Variants in PLCB1 observed in about 807,000 individuals in gnomAD.
The protein encoded by PLCB1 is phospholipase C beta 1.
Under a neutral mutation model 161.8 loss-of-function variants are expected in PLCB1, and 46 were observed. The observed-to-expected ratio is 0.28, with a 90% CI of 0.22 to 0.36. The LOEUF (loss-of-function observed/expected upper bound fraction) is 0.36, where lower values mean the gene tolerates loss of function less well. PLCB1 is among the 10% of genes least tolerant of loss of function. The pLI is 1.00. For synonymous variants in PLCB1, 517 were observed against 503.7 expected (o/e 1.03, Z -0.35); for missense variants, 1,016 against 1,472.5 (o/e 0.69, Z 5.07).
At chr20:8,801,523 G>A (rs1464903384) in intron 31 of PLCB1, among the ~76,000 whole-genome samples, 1 of 152,174 alleles carries the variant, frequency 6.6e-6, no homozygotes, top group Non-Finnish European at 1.5e-5. Flanking sequence ...ACGCTCTTGA[G>A]TTCCAGACAT....
intron 3 of PLCB1, among the ~76,000 whole-genome samples, chr20:8,476,666 A>G (rs1468820614): frequency 6.6e-6 from 1 of 152,170 alleles, no homozygotes; most frequent in Non-Finnish European, 1.5e-5. Flanking sequence ...ATAAATTTTG[A>G]CTCAGTGAGT....
At chr20:8,555,071 C>T (rs1366273425) in intron 3 of PLCB1, among the ~76,000 whole-genome samples, 2 of 151,966 alleles carry the variant, frequency 1.3e-5, no homozygotes, top group African/African-American at 4.8e-5. Flanking sequence ...TTTTTCTTGA[C>T]TTGGCATTTG....
chr20:8,509,669 A>T (rs1341564178), intron 3 of PLCB1, among the ~76,000 whole-genome samples: 1 of 152,126 alleles, frequency 6.6e-6, no homozygotes, highest in Non-Finnish European at 1.5e-5. Flanking sequence ...GATTAGATAG[A>T]TAGGTAGATA....
chr20:8,861,907 G>A (rs1987270563), intron 31 of PLCB1, among the ~76,000 whole-genome samples: 1 of 152,062 alleles, frequency 6.6e-6, no homozygotes, highest in South Asian at 2.1e-4. Flanking sequence ...TTGATTTATT[G>A]GAACTTGATT....
intron 2 of PLCB1, among the ~76,000 whole-genome samples, chr20:8,272,501 G>T (rs866215356): frequency 2.0e-5 from 3 of 152,082 alleles, no homozygotes; most frequent in South Asian, 4.1e-4. Context: ...TGTTTCACTC[G>T]TTCAGCATCA....
At chr20:8,158,931 G>C (rs2051592247) in intron 2 of PLCB1, among the ~76,000 whole-genome samples, 1 of 152,148 alleles carries the variant, frequency 6.6e-6, no homozygotes, top group Non-Finnish European at 1.5e-5. Flanking sequence ...CTTCCTGGCT[G>C]CTTTCATGGG....
Position 8,708,705 on chromosome 20 carries a change from G to A in PLCB1, c.1203G>A (p.Lys401=). ...AAGCAATTGCGGAGTGTGCATTTAAGACTTCACCTTTTCCAATTCTCCTTT... is the reference window on the plus strand; with the variant it reads ...AAGCAATTGCGGAGTGTGCATTTAAAACTTCACCTTTTCCAATTCTCCTTT... ...VIEAIAECAF[K]TSPFPILLSF... The change falls in exon 12 of 32, where the codon AAG becomes AAA. Residue 401 remains lysine, a synonymous_variant. Coordinates refer to ENST00000338037, the MANE Select transcript of PLCB1 (RefSeq NM_015192.4). 6.2e-7 allele frequency: 1 copy of A among 1,613,384 alleles called. No homozygotes were observed. Among genetic ancestry groups the A allele is most frequent in the South Asian group, 1.1e-5 (1 of 91,052 alleles).
chr20:8,750,623 A>G (rs764233644), intron 23 of PLCB1, among the ~76,000 whole-genome samples: 2 of 152,324 alleles, frequency 1.3e-5, no homozygotes, highest in African/African-American at 2.4e-5. Context: ...TGCATACAGC[A>G]GGACAAAGTT....
rs181153657 is a variant in PLCB1 at position 8,522,371 on chromosome 20, C to G, written c.247-105923C>G. Among the ~76,000 whole-genome samples, 277 of 152,266 alleles carry G rather than the reference C, an allele frequency of 1.8e-3. 4 individuals carry two copies. Among genetic ancestry groups the G allele is most frequent in the Non-Finnish European group, 3.5e-4 (24 of 68,030 alleles). Reference sequence around the variant, plus strand: ...TTTAATACACCCATTTTATCTATGACATCATCCTCATTCTGGCCTGTGGTT... The same window carrying G: ...TTTAATACACCCATTTTATCTATGAGATCATCCTCATTCTGGCCTGTGGTT... On this transcript the variant is annotated intron_variant, in intron 3 of 31. Transcript: ENST00000338037.
chr20:8,396,257 T>A (rs1448042851), intron 3 of PLCB1, among the ~76,000 whole-genome samples: 1 of 152,034 alleles, frequency 6.6e-6, no homozygotes, highest in African/African-American at 2.4e-5. Flanking sequence ...TTACCTCAAT[T>A]AATAAGGTGT....
At chr20:8,549,658 A>G (rs1312738804) in intron 3 of PLCB1, among the ~76,000 whole-genome samples, 2 of 152,164 alleles carry the variant, frequency 1.3e-5, no homozygotes, top group African/African-American at 4.8e-5. Context: ...GCAGTGGTGC[A>G]ATCTCGGCTC....
At chr20:8,584,662 A>G (rs1986934745) in intron 3 of PLCB1, among the ~76,000 whole-genome samples, 1 of 151,698 alleles carries the variant, frequency 6.6e-6, no homozygotes, top group Non-Finnish European at 1.5e-5. Context: ...GGAGTAATCT[A>G]GTCATAGTAT....
chr20:8,194,667 CA>C lies in PLCB1; in HGVS notation c.177+44297del, dbSNP rs567844299. On this transcript the variant is annotated intron_variant, in intron 2 of 31. Coordinates refer to ENST00000338037, the MANE Select transcript of PLCB1 (RefSeq NM_015192.4). Reference sequence around the variant, plus strand: ...TATAGATTTGCAGGATGCTTGCTAACATGGTGGTAGGGAGGGCTGATGTATT... The same window carrying C: ...TATAGATTTGCAGGATGCTTGCTAACTGGTGGTAGGGAGGGCTGATGTATT... Among the ~76,000 whole-genome samples the C allele has an allele frequency of 7.9e-5, 12 of 152,060 alleles. No individual in the cohort carries two copies. In the East Asian group the frequency reaches 1.4e-3, roughly 17 times the overall value.
At chr20:8,548,495 T>C (rs1465103884) in intron 3 of PLCB1, among the ~76,000 whole-genome samples, 3 of 147,522 alleles carry the variant, frequency 2.0e-5, no homozygotes, top group Non-Finnish European at 3.0e-5. Flanking sequence ...TATCCTTCCT[T>C]CCTTTCTTAC....
intron 10 of PLCB1, among the ~76,000 whole-genome samples, chr20:8,690,636 A>G (rs150432238): frequency 3.9e-4 from 59 of 152,344 alleles, no homozygotes; most frequent in African/African-American, 1.0e-3. Context: ...GATGTTATAT[A>G]TAGGAGCAAT....
At chr20:8,620,765 A>AAAAAG (rs1321360074) in intron 3 of PLCB1, among the ~76,000 whole-genome samples, 3 of 149,776 alleles carry the variant, frequency 2.0e-5, no homozygotes, top group Admixed American at 6.7e-5. Context: ...AAAAAAAAAA[A>AAAAAG]AAAAGAAAAG....
intron 3 of PLCB1, among the ~76,000 whole-genome samples, chr20:8,484,614 G>A (rs1397156007): frequency 6.6e-6 from 1 of 152,110 alleles, no homozygotes; most frequent in Non-Finnish European, 1.5e-5. Flanking sequence ...CTCCCGAAGT[G>A]CTGGGATTAC....
At chr20:8,657,307 A>AT (rs1989489819) in intron 8 of PLCB1, 23 bp downstream of exon 8, 1 of 1,411,152 alleles carries the variant, frequency 7.1e-7, no homozygotes. Flanking sequence ...ATTTTAAGCC[A>AT]TATCTTTTTC....
chr20:8,744,616 T>TAAATAAAATAAAATAAAATA (rs11474419), intron 23 of PLCB1, among the ~76,000 whole-genome samples: 13,205 of 120,760 alleles, frequency 0.11, 718 homozygotes, highest in Middle Eastern at 0.15. Flanking sequence ...AAAAATAAAA[T>TAAATAAAATAAAATAAAATA]AAATAAAATA....
Sources: gnomAD v4.1 joint callset for allele counts (sites outside exome capture counted in the v4.1 genomes callset) on GRCh38, gnomAD v4.1.1 for gene constraint, MANE v1.5 for transcripts, NCBI Gene and HGNC (gene_info 2026-07-23, HGNC 2026-07-21) for gene names.